SPECC1: variants seen among roughly 807,000 people sequenced by gnomAD.
SPECC1 encodes the protein cytospin-B.
A neutral mutation model predicts 104.1 loss-of-function variants in SPECC1; 62 were observed. That is an observed-to-expected ratio of 0.60 (90% CI 0.49 to 0.74). SPECC1 has a LOEUF of 0.74. Among genes scored for constraint, SPECC1 ranks in the 30% least tolerant of loss-of-function variants. The pLI, the probability that SPECC1 is intolerant of heterozygous loss-of-function variation, is 0.00. For synonymous variants in SPECC1, 513 were observed against 501.6 expected, an observed-to-expected ratio of 1.02 and a Z score of -0.30; for missense variants, 1,306 against 1,310.5, an observed-to-expected ratio of 1.00 and a Z score of 0.05.
chr17:20,041,566 T>C (rs1278904883), intron 1 of SPECC1, among the ~76,000 whole-genome samples: 1 of 151,430 alleles, frequency 6.6e-6, no homozygotes, highest in Non-Finnish European at 1.5e-5. Context: ...TTTATTTCTT[T>C]GCCAAGATTT....
intron 3 of SPECC1, among the ~76,000 whole-genome samples, chr17:20,179,057 A>G (rs1195690237): frequency 6.6e-6 from 1 of 152,182 alleles, no homozygotes; most frequent in Non-Finnish European, 1.5e-5. Flanking sequence ...ATTCAGACAT[A>G]TCAGCCTGGG....
At chr17:20,275,247 T>C (rs950752926) in intron 12 of SPECC1, among the ~76,000 whole-genome samples, 1 of 152,208 alleles carries the variant, frequency 6.6e-6, no homozygotes, top group Non-Finnish European at 1.5e-5. Context: ...CTCTACTTGA[T>C]TGTGGTTATT....
Position 20,205,823 on chromosome 17 carries a change from G to C in SPECC1, c.1774G>C (p.Asp592His). ...GTTGAAAGTAGCCCGAGCAGAGAAA[G>C]ATCTACTGGAACTGTCTTGCAATGA... Reference protein sequence around the residue: ...EMLKVARAEKDLLELSCNELR... With the variant: ...EMLKVARAEKHLLELSCNELR... The change falls in exon 4 of 15, where the codon GAT (aspartate) becomes CAT (histidine). Residue 592 changes from aspartate (D) to histidine (H), a missense_variant. Asp to His is a moderately conservative substitution (Grantham distance 81). Coordinates refer to ENST00000395527, the MANE Select transcript of SPECC1 (RefSeq NM_001243439.2). The C allele has an allele frequency of 6.2e-7, 1 of 1,614,176 alleles. No homozygotes were observed. The highest frequency in any genetic ancestry group is 8.5e-7 in the Non-Finnish European group (1 of 1,180,032).
At chr17:20,078,188 T>G (rs531613191) in intron 1 of SPECC1, among the ~76,000 whole-genome samples, 29 of 150,768 alleles carry the variant, frequency 1.9e-4, no homozygotes, top group African/African-American at 7.0e-4. Context: ...CAGGAAAGGT[T>G]GTCTTAGCCA....
At chr17:20,191,708 C>T (rs1294978680) in intron 3 of SPECC1, among the ~76,000 whole-genome samples, 1 of 151,124 alleles carries the variant, frequency 6.6e-6, no homozygotes, top group East Asian at 2.0e-4. Context: ...TCCATGTGTT[C>T]TCATTGTTCA....
At chr17:20,310,667 G>A (rs932620276) in intron 14 of SPECC1, among the ~76,000 whole-genome samples, 1 of 152,194 alleles carries the variant, frequency 6.6e-6, no homozygotes, top group African/African-American at 2.4e-5. Flanking sequence ...TAGTCCATGA[G>A]GGCTGTTGCT....
At chr17:20,105,183 G>A (rs1003380296) in intron 2 of SPECC1, among the ~76,000 whole-genome samples, 14 of 151,658 alleles carry the variant, frequency 9.2e-5, no homozygotes, top group African/African-American at 2.9e-4. Context: ...CTGCAGCCTC[G>A]AACTCCAGCG....
At chr17:20,088,689 T>TA (rs560774082) in intron 1 of SPECC1, among the ~76,000 whole-genome samples, 151 of 152,200 alleles carry the variant, frequency 9.9e-4, no homozygotes, top group Non-Finnish European at 3.1e-4. Flanking sequence ...CGCTGCAGGG[T>TA]AAGGGGTCAG....
chr17:20,032,072 A>G (rs1001043511), intron 1 of SPECC1, among the ~76,000 whole-genome samples: 5 of 152,170 alleles, frequency 3.3e-5, no homozygotes, highest in Non-Finnish European at 7.3e-5. Flanking sequence ...GAGCACTTCA[A>G]ATATGTTATC....
intron 1 of SPECC1, among the ~76,000 whole-genome samples, chr17:20,095,018 G>A (rs550819170): frequency 6.6e-6 from 1 of 152,318 alleles, no homozygotes; most frequent in South Asian, 2.1e-4. Flanking sequence ...GGTTGATTCT[G>A]CAGTAATTGG....
chr17:20,143,913 C>T (rs140618063), intron 3 of SPECC1, among the ~76,000 whole-genome samples: 326 of 152,170 alleles, frequency 2.1e-3, no homozygotes, highest in African/African-American at 7.4e-3. Context: ...CACCACAGGG[C>T]GTGGGGGAGC....
chr17:20,245,716 T>G (rs1392747674), intron 7 of SPECC1, among the ~76,000 whole-genome samples: 1 of 152,248 alleles, frequency 6.6e-6, no homozygotes, highest in Non-Finnish European at 1.5e-5. Flanking sequence ...TCTGACCATT[T>G]CCCAAGAAAA....
chr17:20,268,209 G>A (rs995560869), intron 12 of SPECC1, among the ~76,000 whole-genome samples: 3 of 152,186 alleles, frequency 2.0e-5, no homozygotes, highest in Non-Finnish European at 2.9e-5. Context: ...GATAGCAGGC[G>A]ACACCTACAC....
chr17:20,074,911 T>C (rs2046696774), intron 1 of SPECC1, among the ~76,000 whole-genome samples: 1 of 150,110 alleles, frequency 6.7e-6, no homozygotes, highest in African/African-American at 2.4e-5. Context: ...CAATATGTTA[T>C]TTTTTTTTTA....
intron 3 of SPECC1, among the ~76,000 whole-genome samples, chr17:20,133,422 C>G (rs1021316866): frequency 6.6e-6 from 1 of 151,968 alleles, no homozygotes; most frequent in Non-Finnish European, 1.5e-5. Flanking sequence ...TTAATAGAAT[C>G]TCCTACTTAG....
At position 20,096,645 on chromosome 17, in the gene SPECC1, G is replaced by A; in HGVS notation, c.-7G>A. 1.9e-6 allele frequency: 3 copies of A among 1,607,818 alleles called. No individual in the cohort carries two copies. The highest frequency in any genetic ancestry group is 1.1e-5 in the South Asian group (1 of 90,832). On this transcript the variant is annotated 5_prime_UTR_variant, in exon 2 of 15. Coordinates refer to ENST00000395527, the MANE Select transcript of SPECC1 (RefSeq NM_001243439.2). ...CTCTTTTGCAGGACAGACCCACGAA[G>A]TCAAGCATGCGGAGTGCAGCCAAGC...
At chr17:20,034,407 T>C (rs1367070944) in intron 1 of SPECC1, among the ~76,000 whole-genome samples, 2 of 151,674 alleles carry the variant, frequency 1.3e-5, no homozygotes, top group Non-Finnish European at 2.9e-5. Flanking sequence ...TTTCCCCCAA[T>C]TTTTTACTAA....
intron 1 of SPECC1, among the ~76,000 whole-genome samples, chr17:20,069,187 G>A (rs1190722782): frequency 6.6e-6 from 1 of 152,224 alleles, no homozygotes; most frequent in Non-Finnish European, 1.5e-5. Flanking sequence ...TCGCTAATAA[G>A]TGAGAACATG....
intron 3 of SPECC1, among the ~76,000 whole-genome samples, chr17:20,129,024 C>T (rs979035383): frequency 6.6e-6 from 1 of 152,030 alleles, no homozygotes; most frequent in Non-Finnish European, 1.5e-5. Context: ...TCCAAAGTTG[C>T]TGGGACTACA....
Sources: allele counts gnomAD v4.1 joint callset (sites outside exome capture counted in the v4.1 genomes callset), GRCh38; gene constraint gnomAD v4.1.1; transcripts MANE v1.5; gene names NCBI Gene and HGNC (gene_info 2026-07-23, HGNC 2026-07-21).